The following LIPG variants were observed in gnomAD, a reference collection of about 807,000 sequenced individuals.
LIPG encodes the protein endothelial lipase.
In LIPG, 34 loss-of-function variants were observed where a neutral mutation model predicts 51.8. That is an observed-to-expected ratio of 0.66 (90% CI 0.50 to 0.87). The LOEUF (loss-of-function observed/expected upper bound fraction) is 0.87, where lower values mean the gene tolerates loss of function less well. LIPG is among the 40% of genes least tolerant of loss of function. The probability of loss-of-function intolerance (pLI) is 0.00; values close to 1 mark genes in which losing one functional copy is unlikely to be tolerated. For missense variants in LIPG, 580 were observed against 652.7 expected (o/e 0.89, Z 1.21); for synonymous variants, 246 against 246.1 (o/e 1.00, Z 0.00).
At chr18:49,583,133 G>C (rs1005647003) in intron 7 of LIPG, among the ~76,000 whole-genome samples, 1 of 152,168 alleles carries the variant, frequency 6.6e-6, no homozygotes, top group African/African-American at 2.4e-5. Flanking sequence ...AGGTCTGTGG[G>C]GGGAGCTGGT....
rs1367533725 is a variant in LIPG, at chr18:49,571,017, C to T, written c.571+1469C>T. ...TAGTATGTGCGTGCACACACATGAGCATGCATGCACACACATGCCTGTTGA... is the reference window on the plus strand; with the variant it reads ...TAGTATGTGCGTGCACACACATGAGTATGCATGCACACACATGCCTGTTGA... On this transcript the variant is annotated intron_variant, in intron 4 of 9. Coordinates refer to ENST00000261292, the MANE Select transcript of LIPG (RefSeq NM_006033.4). Among the ~76,000 whole-genome samples, 3 of 152,286 alleles carry T rather than the reference C, an allele frequency of 2.0e-5. No homozygotes were observed. The South Asian group carries it at 6.2e-4, about 32-fold the overall frequency.
chr18:49,576,457 CT>C (rs34597464), intron 5 of LIPG, among the ~76,000 whole-genome samples: 2 of 51,524 alleles, frequency 3.9e-5, no homozygotes, highest in Admixed American at 2.8e-4. Context: ...CAGAATCTTG[CT>C]TTTTTTTTTT....
chr18:49,562,557 C>T, intron 1 of LIPG, 152 bp downstream of exon 1: 1 of 765,062 alleles, frequency 1.3e-6, no homozygotes, highest in East Asian at 2.7e-5. Flanking sequence ...TGGAGTCCAC[C>T]TGTCTCTCTG....
intron 8 of LIPG, among the ~76,000 whole-genome samples, chr18:49,585,085 T>C (rs2084867514): frequency 6.6e-6 from 1 of 152,196 alleles, no homozygotes; most frequent in Non-Finnish European, 1.5e-5. Flanking sequence ...TTTTTGAGAC[T>C]GAGTCTCTCT....
chr18:49,579,817 T>TCTTTACTTTA lies in LIPG; in HGVS notation c.794-1593_794-1584dup, dbSNP rs1206283004. Reference sequence around the variant, plus strand: ...TCTTTTCTTTTCTTTTCTTTTCTTTTCTTTACTTTACTTTTGATGGAGTTT... The same window carrying TCTTTACTTTA: ...TCTTTTCTTTTCTTTTCTTTTCTTTTCTTTACTTTACTTTACTTTACTTTTGATGGAGTTT... On this transcript the variant is annotated intron_variant, in intron 5 of 9. Transcript: ENST00000261292. Among the ~76,000 whole-genome samples the TCTTTACTTTA allele has an allele frequency of 1.0e-4, 14 of 135,148 alleles. 1 individual carries two copies. The highest frequency in any genetic ancestry group is 2.9e-4 in the African/African-American group (10 of 34,474). The allele number at this position is 135,148 out of a possible 152,430, so 88.7% of individuals were successfully genotyped here.
chr18:49,585,250 A>C (rs2084869010), intron 8 of LIPG, among the ~76,000 whole-genome samples: 1 of 152,148 alleles, frequency 6.6e-6, no homozygotes, highest in Non-Finnish European at 1.5e-5. Context: ...TTTATTACAG[A>C]CGGGGTTTCG....
intron 5 of LIPG, 111 bp from the exon 6 acceptor site, chr18:49,581,304 A>G: frequency 6.9e-7 from 1 of 1,439,334 alleles, no homozygotes; most frequent in Non-Finnish European, 9.8e-7. Flanking sequence ...TGAAAATACT[A>G]ACAGCAACAA....
At chr18:49,588,194 G>A (rs1436906143) in intron 9 of LIPG, among the ~76,000 whole-genome samples, 1 of 152,098 alleles carries the variant, frequency 6.6e-6, no homozygotes, top group African/African-American at 2.4e-5. Context: ...TTGGGAATGG[G>A]GTGGGAGATA....
intron 4 of LIPG, among the ~76,000 whole-genome samples, chr18:49,573,914 G>GGT (rs1172505736): frequency 2.6e-5 from 4 of 152,094 alleles, no homozygotes; most frequent in South Asian, 2.1e-4. Context: ...TTTGGTGTGG[G>GGT]GTGTGTGTGT....
chr18:49,572,490 A>G lies in LIPG; in HGVS notation c.572-2879A>G, dbSNP rs374969330. On this transcript the variant is annotated intron_variant, in intron 4 of 9. Coordinates refer to ENST00000261292, the MANE Select transcript of LIPG (RefSeq NM_006033.4). ...CAATATCCTGGGCCCTATAAGTAGC[A>G]GAGCTGGGACTCAAACCCATGCTGT... Among the ~76,000 whole-genome samples the G allele has an allele frequency of 3.3e-4, 51 of 152,270 alleles. 2 individuals are homozygous for G. In the South Asian group the frequency reaches 9.9e-3, roughly 30 times the overall value.
At chr18:49,588,582 G>C (rs116323883) in intron 9 of LIPG, among the ~76,000 whole-genome samples, 5,614 of 152,238 alleles carry the variant, frequency 0.037, 352 homozygotes, top group African/African-American at 0.13. Context: ...TTACAGGTTT[G>C]AGCCACGGTG....
In LIPG at chr18:49,590,820, C is replaced by A; in HGVS notation, c.*298C>A. The A allele has an allele frequency of 1.9e-6, 1 of 514,448 alleles. No homozygotes were observed. Among genetic ancestry groups the A allele is most frequent in the Non-Finnish European group, 3.5e-6 (1 of 283,336 alleles). 31.9% of individuals were successfully genotyped at this position (514,448 alleles called of 1,614,324 possible). A position where few individuals can be genotyped will look rare whatever the true frequency, so the allele number is the denominator to read the frequency against. Reference sequence around the variant, plus strand: ...CTGGGTGCCTGGGGCCTCTCGTGCACACTGGATTGGTTTCTCAGTTGCTGG... The same window carrying A: ...CTGGGTGCCTGGGGCCTCTCGTGCAAACTGGATTGGTTTCTCAGTTGCTGG... On this transcript the variant is annotated 3_prime_UTR_variant, in exon 10 of 10. Coordinates refer to ENST00000261292, the MANE Select transcript of LIPG (RefSeq NM_006033.4).
chr18:49,587,568 CAAAAAAAAAAAAAA>C (rs34734805), intron 9 of LIPG, among the ~76,000 whole-genome samples: 2 of 42,308 alleles, frequency 4.7e-5, no homozygotes, highest in African/African-American at 7.9e-5. Context: ...GACTCCGTCT[CAAAAAAAAAAAAAA>C]AAAAAAAAAA....
rs572601953 is a variant in LIPG, at chr18:49,590,884, G to T, written c.*362G>T. On this transcript the variant is annotated 3_prime_UTR_variant, in exon 10 of 10. Transcript: ENST00000261292. ...CTGCCTGACGAGGAACGCTGGCTCC[G>T]AAGAGGCCCTGTGTAGAAGGCTGTC... The T allele has an allele frequency of 2.7e-5, 10 of 373,612 alleles. No individual in the cohort carries two copies. The highest frequency in any genetic ancestry group is 4.6e-5 in the Non-Finnish European group (9 of 195,524). The allele number at this position is 373,612 out of a possible 1,614,324, so 23.1% of individuals were successfully genotyped here.
At chr18:49,581,978 A>G in intron 6 of LIPG, 1 of 584,316 alleles carries the variant, frequency 1.7e-6, no homozygotes, top group South Asian at 2.1e-5. Flanking sequence ...AGGCAGATGA[A>G]CAGGGGACCA....
In LIPG at chr18:49,567,631, G is replaced by C; in HGVS notation, c.459+10G>C. ...GCTCGACTGGCTGCAGGTACTGGGGGATGAGAGGGAGTCTCCTGTCACCAG... is the reference window on the plus strand; with the variant it reads ...GCTCGACTGGCTGCAGGTACTGGGGCATGAGAGGGAGTCTCCTGTCACCAG... On this transcript the variant is annotated intron_variant, in intron 3 of 9. Coordinates refer to ENST00000261292, the MANE Select transcript of LIPG (RefSeq NM_006033.4). 1 of 1,613,362 alleles carries C rather than the reference G, an allele frequency of 6.2e-7. No homozygotes were observed. Among genetic ancestry groups the C allele is most frequent in the Non-Finnish European group, 8.5e-7 (1 of 1,179,818 alleles).
In LIPG at chr18:49,599,001, C is replaced by A. The variant is rs910230113; in HGVS notation, c.*8479C>A. On this transcript the variant is annotated 3_prime_UTR_variant, in exon 10 of 10. Transcript: ENST00000261292. Reference sequence around the variant, plus strand: ...ATAGATAAATAACATTTTGTTTATCCGTTTACTTGTTGATGAACTTTAAGT... The same window carrying A: ...ATAGATAAATAACATTTTGTTTATCAGTTTACTTGTTGATGAACTTTAAGT... 1 of 152,066 alleles carries A rather than the reference C, an allele frequency of 6.6e-6. No homozygotes were observed. The highest frequency in any genetic ancestry group is 6.6e-5 in the Admixed American group (1 of 15,264). The allele number at this position is 152,066 out of a possible 1,614,324, so 9.4% of individuals were successfully genotyped here. A position where few individuals can be genotyped will look rare whatever the true frequency, so the allele number is the denominator to read the frequency against.
Position 49,598,076 on chromosome 18 carries a change from TG to T in LIPG, c.*7555del, listed in dbSNP as rs994634724. The T allele has an allele frequency of 6.6e-6, 1 of 152,264 alleles. No individual in the cohort carries two copies. Among genetic ancestry groups the T allele is most frequent in the African/African-American group, 2.4e-5 (1 of 41,472 alleles). The allele number at this position is 152,264 out of a possible 1,614,324, so 9.4% of individuals were successfully genotyped here. A position where few individuals can be genotyped will look rare whatever the true frequency, so the allele number is the denominator to read the frequency against. ...CAGAGCTTCTTCCTTCTGCTTAGGC[TG>T]CCCCAAATTCCATATAGGATTCTTT... On this transcript the variant is annotated 3_prime_UTR_variant, in exon 10 of 10. Transcript: ENST00000261292.
chr18:49,577,332 G>C (rs1388032315), intron 5 of LIPG, among the ~76,000 whole-genome samples: 1 of 141,828 alleles, frequency 7.1e-6, no homozygotes, highest in East Asian at 2.0e-4. Flanking sequence ...ACAGGGTTGG[G>C]GGTAAGGTCA....
Sources: allele counts gnomAD v4.1 joint callset (sites outside exome capture counted in the v4.1 genomes callset), GRCh38; gene constraint gnomAD v4.1.1; transcripts MANE v1.5; gene names NCBI Gene and HGNC (gene_info 2026-07-23, HGNC 2026-07-21).